The following INPP4B variants were observed in gnomAD, a reference collection of about 807,000 sequenced individuals.
INPP4B encodes inositol polyphosphate-4-phosphatase type II B.
A neutral mutation model predicts 122.5 loss-of-function variants in INPP4B; 55 were observed. The observed-to-expected ratio is 0.45, with a 90% CI of 0.36 to 0.56. The LOEUF (loss-of-function observed/expected upper bound fraction) is 0.56, where lower values mean the gene tolerates loss of function less well. INPP4B is among the 20% of genes least tolerant of loss of function. The pLI is 0.00. For missense variants in INPP4B, 1,000 were observed against 1,097.7 expected, an observed-to-expected ratio of 0.91 and a Z score of 1.26; for synonymous variants, 403 against 388.7, an observed-to-expected ratio of 1.04 and a Z score of -0.43.
At chr4:142,138,154 A>G (rs1386220656) in intron 18 of INPP4B, among the ~76,000 whole-genome samples, 1 of 151,656 alleles carries the variant, frequency 6.6e-6, no homozygotes, top group Non-Finnish European at 1.5e-5. Flanking sequence ...CAACAATGAT[A>G]GACTGGATTA....
At chr4:142,755,507 G>C (rs182742504) in intron 1 of INPP4B, among the ~76,000 whole-genome samples, 65 of 151,928 alleles carry the variant, frequency 4.3e-4, no homozygotes, top group African/African-American at 1.4e-3. Context: ...TTTAAAAAGA[G>C]TTATTGTAAG....
chr4:142,710,405 G>A (rs1762966278), intron 2 of INPP4B, among the ~76,000 whole-genome samples: 1 of 152,112 alleles, frequency 6.6e-6, no homozygotes, highest in Non-Finnish European at 1.5e-5. Context: ...TGTGGACAAT[G>A]GTTCCAAGAA....
At chr4:142,562,834 T>C (rs556863524) in intron 2 of INPP4B, among the ~76,000 whole-genome samples, 4 of 152,294 alleles carry the variant, frequency 2.6e-5, no homozygotes, top group Admixed American at 2.6e-4. Context: ...TTGCAAAATG[T>C]TAGATATTGC....
At chr4:142,174,363 A>C (rs1827015246) in intron 15 of INPP4B, among the ~76,000 whole-genome samples, 1 of 152,106 alleles carries the variant, frequency 6.6e-6, no homozygotes, top group Non-Finnish European at 1.5e-5. Flanking sequence ...TGGCACAGAA[A>C]TAGCATTCAA....
chr4:142,795,085 T>C (rs896269306), intron 1 of INPP4B: 2 of 151,912 alleles, frequency 1.3e-5, no homozygotes, highest in Non-Finnish European at 2.9e-5. Context: ...GAATACTGTT[T>C]AGAAATGAAT....
chr4:142,061,941 T>C (rs1423944644), intron 25 of INPP4B, among the ~76,000 whole-genome samples: 1 of 134,348 alleles, frequency 7.4e-6, no homozygotes, highest in Non-Finnish European at 1.6e-5. Context: ...TATATATATA[T>C]CTGTAACTTT....
At chr4:142,062,543 C>A (rs952395866) in intron 25 of INPP4B, among the ~76,000 whole-genome samples, 4 of 152,114 alleles carry the variant, frequency 2.6e-5, no homozygotes, top group African/African-American at 9.7e-5. Context: ...CAAGATCATA[C>A]TGGTCAACAT....
intron 2 of INPP4B, among the ~76,000 whole-genome samples, chr4:142,524,356 G>T (rs1448151634): frequency 6.6e-6 from 1 of 151,942 alleles, no homozygotes; most frequent in Non-Finnish European, 1.5e-5. Flanking sequence ...ATTCTAACTG[G>T]TGTGAGATGG....
At chr4:142,503,449 A>G (rs1399861816) in intron 2 of INPP4B, among the ~76,000 whole-genome samples, 1 of 152,194 alleles carries the variant, frequency 6.6e-6, no homozygotes, top group African/African-American at 2.4e-5. Flanking sequence ...CTGAGAAATT[A>G]ATAAAAACAG....
intron 7 of INPP4B, among the ~76,000 whole-genome samples, chr4:142,338,694 C>G (rs868492892): frequency 1.3e-5 from 2 of 152,118 alleles, no homozygotes; most frequent in South Asian, 2.1e-4. Context: ...AATATGCTAT[C>G]TATATATTTT....
chr4:142,141,582 T>C (rs538729952), intron 18 of INPP4B, among the ~76,000 whole-genome samples: 54 of 152,300 alleles, frequency 3.5e-4, no homozygotes, highest in African/African-American at 1.3e-3. Flanking sequence ...GAAAGTTTTA[T>C]GTCTCTCAGC....
chr4:142,324,856 A>G (rs1414278748), intron 7 of INPP4B, among the ~76,000 whole-genome samples: 1 of 152,132 alleles, frequency 6.6e-6, no homozygotes, highest in Non-Finnish European at 1.5e-5. Flanking sequence ...TCTGAGAAAA[A>G]AATGGCCACT....
At chr4:142,040,333 G>T (rs1359471735) in intron 25 of INPP4B, among the ~76,000 whole-genome samples, 1 of 152,154 alleles carries the variant, frequency 6.6e-6, no homozygotes, top group Admixed American at 6.6e-5. Context: ...ATTGAGTTAG[G>T]CTTGGATAAA....
At chr4:142,275,499 C>A (rs1747960431) in intron 9 of INPP4B, among the ~76,000 whole-genome samples, 1 of 151,670 alleles carries the variant, frequency 6.6e-6, no homozygotes, top group Non-Finnish European at 1.5e-5. Flanking sequence ...AAATCTCACC[C>A]AAACATAAAA....
At chr4:142,601,546 AGC>A (rs1739910994) in intron 2 of INPP4B, among the ~76,000 whole-genome samples, 1 of 151,666 alleles carries the variant, frequency 6.6e-6, no homozygotes. Context: ...ACACAGCAAA[AGC>A]AGAGACAAGT....
At chr4:142,186,111 C>T (rs1447940612) in intron 15 of INPP4B, among the ~76,000 whole-genome samples, 1 of 152,052 alleles carries the variant, frequency 6.6e-6, no homozygotes, top group South Asian at 2.1e-4. Flanking sequence ...ACTTAGTTTT[C>T]AGAAAGAATA....
At chr4:142,273,497 T>G (rs945474770) in intron 9 of INPP4B, among the ~76,000 whole-genome samples, 7 of 151,950 alleles carry the variant, frequency 4.6e-5, no homozygotes, top group African/African-American at 1.4e-4. Flanking sequence ...GAACACAAAT[T>G]TACTAATTAT....
chr4:142,729,991 C>T (rs190798486), intron 1 of INPP4B, among the ~76,000 whole-genome samples: 6 of 152,154 alleles, frequency 3.9e-5, no homozygotes, highest in Admixed American at 1.3e-4. Flanking sequence ...CTCAAAACTT[C>T]AAGAGATACC....
chr4:142,469,383 T>C (rs1206810045), intron 2 of INPP4B, among the ~76,000 whole-genome samples: 1 of 152,048 alleles, frequency 6.6e-6, no homozygotes, highest in African/African-American at 2.4e-5. Flanking sequence ...TAAAGAACTG[T>C]AACACGTGTA....
Sources: allele counts gnomAD v4.1 joint callset (sites outside exome capture counted in the v4.1 genomes callset), GRCh38; gene constraint gnomAD v4.1.1; transcripts MANE v1.5; gene names NCBI Gene and HGNC (gene_info 2026-07-23, HGNC 2026-07-21).